Variants in RALYL observed in about 807,000 individuals in gnomAD.
The protein encoded by RALYL is RALY RNA binding protein like, also known as RNA-binding Raly-like protein.
A neutral mutation model predicts 35.1 loss-of-function variants in RALYL; 29 were observed. That is an observed-to-expected ratio of 0.83 (90% CI 0.61 to 1.13). The LOEUF is 1.13. RALYL is among the 50% of genes most tolerant of loss of function. The probability of loss-of-function intolerance (pLI) is 0.00; values close to 1 mark genes in which losing one functional copy is unlikely to be tolerated. For synonymous variants in RALYL, 120 were observed against 127.6 expected (o/e 0.94, Z 0.40); for missense variants, 359 against 360.4 (o/e 1.00, Z 0.03).
intron 2 of RALYL, among the ~76,000 whole-genome samples, chr8:84,741,128 G>T (rs1807201100): frequency 6.6e-6 from 1 of 151,936 alleles, no homozygotes; most frequent in Admixed American, 6.6e-5. Context: ...AGAATGATTT[G>T]ACTCCTCTCC....
intron 1 of RALYL, among the ~76,000 whole-genome samples, chr8:84,432,944 G>T (rs1563921961): frequency 6.6e-6 from 1 of 152,054 alleles, no homozygotes; most frequent in Admixed American, 6.6e-5. Context: ...AAGCCACCCA[G>T]TTAGTGGTCC....
At chr8:84,742,230 C>T (rs1807541284) in intron 2 of RALYL, among the ~76,000 whole-genome samples, 1 of 151,798 alleles carries the variant, frequency 6.6e-6, no homozygotes, top group Admixed American at 6.6e-5. Context: ...CATTTGGTTA[C>T]CATTTTTATA....
chr8:84,708,706 T>C (rs1240359880), intron 2 of RALYL, among the ~76,000 whole-genome samples: 1 of 152,162 alleles, frequency 6.6e-6, no homozygotes, highest in Non-Finnish European at 1.5e-5. Flanking sequence ...AAGTTTATGT[T>C]TAAATTTTCA....
At chr8:84,265,124 C>T (rs1586641334) in intron 1 of RALYL, among the ~76,000 whole-genome samples, 1 of 152,174 alleles carries the variant, frequency 6.6e-6, no homozygotes, top group East Asian at 1.9e-4. Flanking sequence ...TAATCTTTTT[C>T]ATAGTCCTTG....
intron 2 of RALYL, among the ~76,000 whole-genome samples, chr8:84,622,886 A>T (rs1023409830): frequency 3.3e-5 from 5 of 152,198 alleles, no homozygotes; most frequent in Non-Finnish European, 7.3e-5. Context: ...GGAAAAAAAT[A>T]GTAAATGTAT....
intron 1 of RALYL, among the ~76,000 whole-genome samples, chr8:84,213,484 A>G (rs1820030469): frequency 6.6e-6 from 1 of 152,226 alleles, no homozygotes; most frequent in African/African-American, 2.4e-5. Context: ...AGTTTGTTTT[A>G]TGTTTAATTA....
At chr8:84,680,460 C>T (rs1436370707) in intron 2 of RALYL, among the ~76,000 whole-genome samples, 5 of 152,092 alleles carry the variant, frequency 3.3e-5, no homozygotes, top group Non-Finnish European at 7.4e-5. Flanking sequence ...GTTTACAGTC[C>T]CACAACAGTT....
chr8:84,418,807 C>G (rs2045061733), intron 1 of RALYL, among the ~76,000 whole-genome samples: 1 of 152,142 alleles, frequency 6.6e-6, no homozygotes, highest in Non-Finnish European at 1.5e-5. Context: ...CTGTTTGTCT[C>G]CCTCCACAAA....
chr8:84,692,138 A>C (rs1266993339), intron 2 of RALYL, among the ~76,000 whole-genome samples: 1 of 152,004 alleles, frequency 6.6e-6, no homozygotes, highest in Admixed American at 6.6e-5. Context: ...ATGCTTAGCA[A>C]TGAATTATTG....
intron 1 of RALYL, among the ~76,000 whole-genome samples, chr8:84,277,896 G>A (rs1387966820): frequency 6.6e-6 from 1 of 152,198 alleles, no homozygotes; most frequent in Non-Finnish European, 1.5e-5. Flanking sequence ...TGCTTTCATG[G>A]GCTGGCATTG....
chr8:84,411,068 T>C (rs1217256038), intron 1 of RALYL, among the ~76,000 whole-genome samples: 1 of 151,946 alleles, frequency 6.6e-6, no homozygotes, highest in African/African-American at 2.4e-5. Flanking sequence ...AAAAATGTAA[T>C]AAACACCATA....
chr8:84,345,869 G>A (rs142912349), intron 1 of RALYL, among the ~76,000 whole-genome samples: 256 of 152,152 alleles, frequency 1.7e-3, no homozygotes, highest in Non-Finnish European at 3.1e-3. Flanking sequence ...GATGCATGCC[G>A]TGGAAAAGTT....
chr8:84,533,794 A>G (rs1253654203), intron 2 of RALYL, among the ~76,000 whole-genome samples: 1 of 152,216 alleles, frequency 6.6e-6, no homozygotes, highest in African/African-American at 2.4e-5. Context: ...TAAAGTAAAT[A>G]TGGTGAATAT....
chr8:84,859,438 G>C (rs568155863), intron 5 of RALYL, among the ~76,000 whole-genome samples: 1 of 152,074 alleles, frequency 6.6e-6, no homozygotes, highest in African/African-American at 2.4e-5. Context: ...CCTGCCTCAC[G>C]CATTCCCAAT....
chr8:84,425,151 C>T (rs554816726), intron 1 of RALYL, among the ~76,000 whole-genome samples: 8 of 152,280 alleles, frequency 5.3e-5, no homozygotes, highest in Admixed American at 1.3e-4. Context: ...CCCCCAGCCT[C>T]GCTGCTACCT....
chr8:84,677,080 A>T (rs1247145979), intron 2 of RALYL, among the ~76,000 whole-genome samples: 1 of 152,136 alleles, frequency 6.6e-6, no homozygotes, highest in Middle Eastern at 3.2e-3. Flanking sequence ...GATTACAGGC[A>T]TGAGCCACCC....
intron 2 of RALYL, among the ~76,000 whole-genome samples, chr8:84,652,370 A>G (rs1457378468): frequency 6.6e-6 from 1 of 152,040 alleles, no homozygotes; most frequent in African/African-American, 2.4e-5. Flanking sequence ...TTGCACTATT[A>G]TTTATGCCAC....
chr8:84,427,963 A>G (rs2046686135), intron 1 of RALYL, among the ~76,000 whole-genome samples: 1 of 152,156 alleles, frequency 6.6e-6, no homozygotes, highest in Non-Finnish European at 1.5e-5. Context: ...AAGGCAATGA[A>G]TCTATCTTCA....
intron 4 of RALYL, among the ~76,000 whole-genome samples, chr8:84,813,020 C>T (rs1269241293): frequency 1.3e-5 from 2 of 152,314 alleles, no homozygotes; most frequent in South Asian, 2.1e-4. Context: ...TGGCCACCCT[C>T]CTGATGGATC....
Sources: allele counts gnomAD v4.1 joint callset (sites outside exome capture counted in the v4.1 genomes callset), GRCh38; gene constraint gnomAD v4.1.1; transcripts MANE v1.5; gene names NCBI Gene and HGNC (gene_info 2026-07-23, HGNC 2026-07-21).